Variants in CFTR observed in about 807,000 individuals in gnomAD.
CFTR encodes the protein cystic fibrosis transmembrane conductance regulator.
Under a neutral mutation model 171.6 loss-of-function variants are expected in CFTR, and 181 were observed. That is an observed-to-expected ratio of 1.05 (90% confidence interval 0.93 to 1.19). The LOEUF is 1.19. CFTR is among the 50% of genes most tolerant of loss of function. The pLI is 0.00. For missense variants in CFTR, 1,968 were observed against 1,734.7 expected (o/e 1.13, Z -2.39); for synonymous variants, 583 against 608.0 (o/e 0.96, Z 0.60).
chr7:117,560,836 T>G (rs1229262154), intron 11 of CFTR: 1 of 152,050 alleles, frequency 6.6e-6, no homozygotes, highest in Non-Finnish European at 1.5e-5. Flanking sequence ...AAAATCTGAG[T>G]GTTTCTAGCG....
chr7:117,605,170 T>C (rs991041557), intron 17 of CFTR, among the ~76,000 whole-genome samples: 1 of 152,204 alleles, frequency 6.6e-6, no homozygotes, highest in Non-Finnish European at 1.5e-5. Context: ...AAGCTCCTCA[T>C]TCCCTTTAAC....
intron 11 of CFTR, among the ~76,000 whole-genome samples, chr7:117,573,314 A>G (rs547531403): frequency 1.3e-3 from 197 of 152,262 alleles, no homozygotes; most frequent in African/African-American, 4.6e-3. Context: ...CACACTTATT[A>G]TAATATTACT....
chr7:117,550,676 T>C (rs180971277), intron 10 of CFTR, among the ~76,000 whole-genome samples: 46 of 152,264 alleles, frequency 3.0e-4, no homozygotes, highest in Admixed American at 2.3e-3. Context: ...AATTCTATGA[T>C]AGATGTGCAA....
intron 23 of CFTR, among the ~76,000 whole-genome samples, chr7:117,649,217 T>A (rs1380809623): frequency 2.0e-5 from 3 of 151,534 alleles, no homozygotes; most frequent in Non-Finnish European, 4.4e-5. Flanking sequence ...TTAGTATTAT[T>A]TCTTTAAAGA....
intron 9 of CFTR, among the ~76,000 whole-genome samples, chr7:117,544,261 A>G (rs1374405927): frequency 1.3e-5 from 2 of 152,220 alleles, no homozygotes; most frequent in Non-Finnish European, 2.9e-5. Context: ...TGTTGACTCT[A>G]GTCAACTGTA....
chr7:117,534,375 TA>T lies in CFTR; in HGVS notation c.579+11del. ...GAACAAATTTGATGAAGTATGTACC[TA>T]TTGATTTAATCTTTTAGGCACTATT... On this transcript the variant is annotated intron_variant, in intron 5 of 26. Transcript: ENST00000003084. 7.0e-7 allele frequency: 1 copy of T among 1,420,926 alleles called. No individual in the cohort carries two copies. The highest frequency in any genetic ancestry group is 1.4e-5 in the African/African-American group (1 of 71,154). The allele number at this position is 1,420,926 out of a possible 1,614,324, so 88.0% of individuals were successfully genotyped here. A position where few individuals can be genotyped will look rare whatever the true frequency, so the allele number is the denominator to read the frequency against.
At chr7:117,490,223 C>T (rs1798135676) in intron 1 of CFTR, among the ~76,000 whole-genome samples, 1 of 151,276 alleles carries the variant, frequency 6.6e-6, no homozygotes, top group Non-Finnish European at 1.5e-5. Context: ...CTTATCTTTA[C>T]ATGGCACAGT....
chr7:117,526,295 AG>A (rs1240036121), intron 3 of CFTR, among the ~76,000 whole-genome samples: 2 of 140,368 alleles, frequency 1.4e-5, no homozygotes, highest in East Asian at 4.2e-4. Flanking sequence ...ACAGAAATAA[AG>A]ATGTTCTTTG....
At chr7:117,635,816 T>A (rs1219317283) in intron 22 of CFTR, among the ~76,000 whole-genome samples, 5 of 152,138 alleles carry the variant, frequency 3.3e-5, no homozygotes, top group African/African-American at 1.2e-4. Context: ...TATACCTAAG[T>A]ATATACATTA....
chr7:117,583,621 A>G (rs917680676), intron 11 of CFTR, among the ~76,000 whole-genome samples: 1 of 147,976 alleles, frequency 6.8e-6, no homozygotes, highest in Non-Finnish European at 1.5e-5. Context: ...TATGAATTGT[A>G]CTGCTGTAAA....
At chr7:117,636,164 C>T (rs576773892) in intron 22 of CFTR, among the ~76,000 whole-genome samples, 1 of 152,262 alleles carries the variant, frequency 6.6e-6, no homozygotes, top group Admixed American at 6.5e-5. Flanking sequence ...ATTTCTTCCC[C>T]TCAAACCCTT....
intron 11 of CFTR, among the ~76,000 whole-genome samples, chr7:117,570,045 C>T (rs1791664598): frequency 6.6e-6 from 1 of 151,602 alleles, no homozygotes; most frequent in Non-Finnish European, 1.5e-5. Context: ...TTTCATGGAC[C>T]TCTTCATTCT....
intron 3 of CFTR, among the ~76,000 whole-genome samples, chr7:117,525,181 A>G (rs529676424): frequency 6.6e-6 from 1 of 152,338 alleles, no homozygotes; most frequent in South Asian, 2.1e-4. Context: ...AGATGAGAGA[A>G]CTATAATATT....
Position 117,590,362 on chromosome 7 carries a change from C to T in CFTR, c.1689C>T (p.Tyr563=), listed in dbSNP as rs1554389015. 6.2e-7 allele frequency: 1 copy of T among 1,602,704 alleles called. No individual in the cohort carries two copies. The highest frequency in any genetic ancestry group is 8.5e-7 in the Non-Finnish European group (1 of 1,172,006). Reference sequence around the variant, plus strand: ...TCCATTTTCTTTTTAGAGCAGTATACAAAGATGCTGATTTGTATTTATTAG... The same window carrying T: ...TCCATTTTCTTTTTAGAGCAGTATATAAAGATGCTGATTTGTATTTATTAG... ...RARISLARAV[Y]KDADLYLLDS... The change falls in exon 13 of 27, where the codon TAC becomes TAT. Residue 563 remains tyrosine (Y), a synonymous_variant. Coordinates refer to ENST00000003084, the MANE Select transcript of CFTR (RefSeq NM_000492.4).
chr7:117,536,204 G>T (rs1047980826), intron 6 of CFTR, among the ~76,000 whole-genome samples: 1 of 152,154 alleles, frequency 6.6e-6, no homozygotes, highest in African/African-American at 2.4e-5. Context: ...ATAGCACTTT[G>T]TTTGAATCCC....
At chr7:117,628,895 G>A in intron 22 of CFTR, among the ~76,000 whole-genome samples, 1 of 152,074 alleles carries the variant, frequency 6.6e-6, no homozygotes, top group East Asian at 1.9e-4. Flanking sequence ...AATGCCAAAA[G>A]TGATATCATT....
chr7:117,597,052 A>T (rs1301068422), intron 15 of CFTR, among the ~76,000 whole-genome samples: 2 of 152,154 alleles, frequency 1.3e-5, no homozygotes, highest in Non-Finnish European at 2.9e-5. Flanking sequence ...GCCAGATAAG[A>T]GAATAAAAGC....
intron 1 of CFTR, chr7:117,487,978 T>C (rs1331543695): frequency 6.6e-6 from 1 of 152,140 alleles, no homozygotes; most frequent in Non-Finnish European, 1.5e-5. Flanking sequence ...GGAGAAACTA[T>C]ATAGGGGGCT....
intron 10 of CFTR, 92 bp downstream of exon 10, chr7:117,548,915 G>A: frequency 6.6e-7 from 1 of 1,523,516 alleles, no homozygotes; most frequent in Non-Finnish European, 8.9e-7. Context: ...TATTTTTGGA[G>A]AAATTCTTAC....
Sources: gnomAD v4.1 joint callset for allele counts (sites outside exome capture counted in the v4.1 genomes callset) on GRCh38, gnomAD v4.1.1 for gene constraint, MANE v1.5 for transcripts, NCBI Gene and HGNC (gene_info 2026-07-23, HGNC 2026-07-21) for gene names.